NBPF3: variants seen among roughly 807,000 people sequenced by gnomAD.
NBPF3 encodes NBPF member 3.
In NBPF3, 57 loss-of-function variants were observed where a neutral mutation model predicts 78.1. The ratio of observed to expected loss-of-function variants is 0.73; its 90% CI spans 0.59 to 0.91. NBPF3 has a LOEUF of 0.91. NBPF3 is among the 40% of genes least tolerant of loss of function. NBPF3 has a pLI of 0.00. For synonymous variants in NBPF3, 182 were observed against 271.7 expected (o/e 0.67, Z 3.25); for missense variants, 510 against 715.3 (o/e 0.71, Z 3.27).
intron 2 of NBPF3, among the ~76,000 whole-genome samples, chr1:21,452,257 A>G (rs1569957759): frequency 1.3e-5 from 2 of 152,202 alleles, no homozygotes; most frequent in East Asian, 1.9e-4. Flanking sequence ...ACATGTGGCC[A>G]TGAAACAGAT....
At chr1:21,443,145 G>C (rs1640758592) in intron 1 of NBPF3, among the ~76,000 whole-genome samples, 1 of 152,132 alleles carries the variant, frequency 6.6e-6, no homozygotes, top group Non-Finnish European at 1.5e-5. Flanking sequence ...GTAACATAGT[G>C]AGATCCTGTC....
At chr1:21,437,326 T>C, upstream of NBPF3, 1 of 428,900 alleles carries the variant, frequency 2.3e-6, no homozygotes, top group Non-Finnish European at 4.1e-6. Context: ...GGGTGGGGGC[T>C]TTGATTGGAG....
rs376830155 is a variant in NBPF3, at chr1:21,471,796, T to G, written c.661+13T>G. ...AAGCTCAGCCCAGGTGAGGTGGCCATAGGCCCTGATGACCCAAAACCCCAG... is the reference window on the plus strand; with the variant it reads ...AAGCTCAGCCCAGGTGAGGTGGCCAGAGGCCCTGATGACCCAAAACCCCAG... On this transcript the variant is annotated intron_variant, in intron 5 of 14. Transcript: ENST00000318249. 2.9e-5 allele frequency: 47 copies of G among 1,611,988 alleles called. No homozygotes were observed. Among genetic ancestry groups the G allele is most frequent in the Non-Finnish European group, 3.5e-5 (41 of 1,179,738 alleles).
At chr1:21,437,438 C>A, upstream of NBPF3, 1 of 1,375,750 alleles carries the variant, frequency 7.3e-7, no homozygotes, top group Non-Finnish European at 9.8e-7. Flanking sequence ...ACAGATGTAG[C>A]GCCTGCGGGA....
At chr1:21,440,535 C>G (rs1391630562) in intron 1 of NBPF3, among the ~76,000 whole-genome samples, 187 bp downstream of exon 1, 1 of 152,166 alleles carries the variant, frequency 6.6e-6, no homozygotes, top group Non-Finnish European at 1.5e-5. Flanking sequence ...CTGCCGCTGC[C>G]GCCCTCAGCC....
intron 2 of NBPF3, among the ~76,000 whole-genome samples, chr1:21,463,329 C>A (rs1247046454): frequency 1.3e-5 from 2 of 152,164 alleles, no homozygotes; most frequent in Non-Finnish European, 2.9e-5. Flanking sequence ...ATGACCAGGG[C>A]TCTCACCAGC....
upstream of NBPF3, chr1:21,436,866 C>T: frequency 1.6e-6 from 1 of 642,520 alleles, no homozygotes. This position sits in a 1 kb window ranked among gnomAD's most constrained non-coding sequence, Gnocchi z 4.3. Flanking sequence ...GAGGGGCTCG[C>T]GCCCTCCGGG....
chr1:21,459,293 CT>C (rs1195205668), intron 2 of NBPF3, among the ~76,000 whole-genome samples: 1 of 152,182 alleles, frequency 6.6e-6, no homozygotes, highest in Non-Finnish European at 1.5e-5. Flanking sequence ...AGGACTTACT[CT>C]GCTAGACTTC....
chr1:21,471,932 C>T (rs1343651314), intron 5 of NBPF3, 149 bp downstream of exon 5: 19 of 1,152,842 alleles, frequency 1.6e-5, no homozygotes, highest in Admixed American at 1.0e-4. Context: ...CCAGGACTTC[C>T]TGGGTAAGAA....
At position 21,468,888 on chromosome 1, in the gene NBPF3, A is replaced by G. The variant is rs1281526201; in HGVS notation, c.334A>G (p.Asn112Asp). Residue 112 changes from asparagine to aspartate, a missense_variant, in exon 3 of 15, where the codon AAT (asparagine) becomes GAT (aspartate). Asn to Asp is a conservative substitution (Grantham distance 23, BLOSUM62 1). This residue lies in a region of NBPF3 where 440 missense variants were observed against 478.2 expected (regional missense o/e 0.92). Coordinates refer to ENST00000318249, the MANE Select transcript of NBPF3 (RefSeq NM_032264.6). ...GGCCTACTTCCTGGCCAACCGGCAA[A>G]ATAATTACGGTAAGTTCTATAGGCT... ...QVAYFLANRQ[N>D]NYDYEDCKDL... The G allele has an allele frequency of 1.9e-6, 3 of 1,613,370 alleles. No homozygotes were observed. In the Admixed American group the frequency reaches 5.0e-5, roughly 27 times the overall value.
intron 2 of NBPF3, among the ~76,000 whole-genome samples, chr1:21,456,904 T>G (rs1641634560): frequency 6.6e-6 from 1 of 152,208 alleles, no homozygotes; most frequent in African/African-American, 2.4e-5. Flanking sequence ...TTGAAAAGAT[T>G]GAAAAGAAAG....
rs570879053 is a variant in NBPF3 at position 21,468,898 on chromosome 1, G to A, written c.343+1G>A. 2 of 1,609,506 alleles carry A rather than the reference G, an allele frequency of 1.2e-6. No homozygotes were observed. Among genetic ancestry groups the A allele is most frequent in the African/African-American group, 2.7e-5 (2 of 74,884 alleles). ...CTGGCCAACCGGCAAAATAATTACG[G>A]TAAGTTCTATAGGCTCACCATCACA... On this transcript the variant is annotated splice_donor_variant, in intron 3 of 14. Coordinates refer to ENST00000318249, the MANE Select transcript of NBPF3 (RefSeq NM_032264.6). LOFTEE classifies it high-confidence loss of function.
intron 2 of NBPF3, among the ~76,000 whole-genome samples, chr1:21,450,906 G>A (rs1364443935): frequency 6.6e-6 from 1 of 152,176 alleles, no homozygotes; most frequent in Non-Finnish European, 1.5e-5. Flanking sequence ...TTCAAAATGA[G>A]GGAACATGGA....
chr1:21,449,458 CTTTATTTA>C (rs57877174), intron 2 of NBPF3, among the ~76,000 whole-genome samples: 2 of 150,538 alleles, frequency 1.3e-5, no homozygotes, highest in Non-Finnish European at 3.0e-5. Context: ...AACGAACCAT[CTTTATTTA>C]TTTATTTATT....
intron 2 of NBPF3, among the ~76,000 whole-genome samples, chr1:21,446,906 G>C (rs573077911): frequency 3.3e-5 from 5 of 152,128 alleles, no homozygotes; most frequent in Non-Finnish European, 5.9e-5. Flanking sequence ...GATTGCTGAG[G>C]CTGCTTCTCC....
chr1:21,479,710 T>TTGTG (rs1248569217), intron 10 of NBPF3, among the ~76,000 whole-genome samples: 2 of 152,076 alleles, frequency 1.3e-5, no homozygotes, highest in Non-Finnish European at 2.9e-5. Context: ...TCACTGTTCA[T>TTGTG]TGTGTGTCCT....
At chr1:21,470,191 T>G (rs574457007) in intron 3 of NBPF3, among the ~76,000 whole-genome samples, 2 of 152,360 alleles carry the variant, frequency 1.3e-5, no homozygotes, top group East Asian at 3.9e-4. Context: ...GTTTAAGATC[T>G]TTGACATATT....
chr1:21,479,820 C>CTCTGTGTGTG lies in NBPF3; in HGVS notation c.1209-230_1209-229insCTGTGTGTGT, dbSNP rs766796014. Among the ~76,000 whole-genome samples, 133 of 102,880 alleles carry CTCTGTGTGTG rather than the reference C, an allele frequency of 1.3e-3. 1 individual carries two copies. Among genetic ancestry groups the CTCTGTGTGTG allele is most frequent in the African/African-American group, 3.8e-3 (112 of 29,776 alleles). The allele number at this position is 102,880 out of a possible 152,430, so 67.5% of individuals were successfully genotyped here. A position where few individuals can be genotyped will look rare whatever the true frequency, so the allele number is the denominator to read the frequency against. On this transcript the variant is annotated intron_variant, in intron 10 of 14. Coordinates refer to ENST00000318249, the MANE Select transcript of NBPF3 (RefSeq NM_032264.6). ...TCTCTCTCTCTCTCTCTCTCTCTCT[C>CTCTGTGTGTG]TGTGTGTGTGTGTGTGTGTGTGTGT...
upstream of NBPF3, among the ~76,000 whole-genome samples, chr1:21,439,042 T>A (rs1640494286): frequency 6.6e-6 from 1 of 152,084 alleles, no homozygotes; most frequent in Non-Finnish European, 1.5e-5. Context: ...TGAACTTCTG[T>A]GTGAGCTCTT....
Sources: allele counts gnomAD v4.1 joint callset (sites outside exome capture counted in the v4.1 genomes callset), GRCh38; gene constraint gnomAD v4.1.1; regional missense constraint gnomAD v4.1.1; non-coding constraint Gnocchi (gnomAD v3.1); transcripts MANE v1.5; gene names NCBI Gene and HGNC (gene_info 2026-07-23, HGNC 2026-07-21).